The following RANBP10 variants were observed in gnomAD, a reference collection of about 807,000 sequenced individuals.
RANBP10 encodes the protein RAN binding protein 10.
RANBP10 carries 24 observed loss-of-function variants against 72.8 expected under a neutral mutation model. The ratio of observed to expected loss-of-function variants is 0.33; its 90% CI spans 0.24 to 0.46. The LOEUF is 0.46. RANBP10 is among the 20% of genes least tolerant of loss of function. The pLI is 1.00. For missense variants in RANBP10, 679 were observed against 817.5 expected, an observed-to-expected ratio of 0.83 and a Z score of 2.07; for synonymous variants, 310 against 322.3, an observed-to-expected ratio of 0.96 and a Z score of 0.41.
rs1440060446 is a variant in RANBP10 at position 67,724,457 on chromosome 16, A to G, written c.*1971T>C. On this transcript the variant is annotated 3_prime_UTR_variant, in exon 14 of 14. Transcript: ENST00000317506. ...GGTTTTAATCCAATCCTGCTAGGCTATGATCATTTAAACAGCCTGATGTCT... is the reference window on the plus strand; with the variant it reads ...GGTTTTAATCCAATCCTGCTAGGCTGTGATCATTTAAACAGCCTGATGTCT... 1 of 152,234 alleles carries G rather than the reference A, an allele frequency of 6.6e-6. No homozygotes were observed. The highest frequency in any genetic ancestry group is 2.4e-5 in the African/African-American group (1 of 41,452). The allele number at this position is 152,234 out of a possible 1,614,324, so 9.4% of individuals were successfully genotyped here. A position where few individuals can be genotyped will look rare whatever the true frequency, so the allele number is the denominator to read the frequency against.
At chr16:67,764,145 G>C (rs747167340) in intron 3 of RANBP10, among the ~76,000 whole-genome samples, 3 of 152,156 alleles carry the variant, frequency 2.0e-5, no homozygotes, top group Non-Finnish European at 4.4e-5. Flanking sequence ...GGCTCTCTCA[G>C]GCCAGTCTCA....
At chr16:67,743,527 C>T (rs1047295049) in intron 4 of RANBP10, among the ~76,000 whole-genome samples, 1 of 152,176 alleles carries the variant, frequency 6.6e-6, no homozygotes, top group African/African-American at 2.4e-5. Flanking sequence ...TGTACAGGAA[C>T]GCTCCTTCCA....
chr16:67,805,394 G>C, intron 2 of RANBP10, 34 bp downstream of exon 2: 1 of 1,577,314 alleles, frequency 6.3e-7, no homozygotes, highest in Non-Finnish European at 8.7e-7. Context: ...TCAGCTCCAT[G>C]ATCAGGGAAA....
Position 67,772,975 on chromosome 16 carries a change from C to A in RANBP10, c.348-889G>T, listed in dbSNP as rs143349531. Among the ~76,000 whole-genome samples, 11 of 152,276 alleles carry A rather than the reference C, an allele frequency of 7.2e-5. No homozygotes were observed. The East Asian group carries it at 2.1e-3, about 29-fold the overall frequency. On this transcript the variant is annotated intron_variant, in intron 2 of 13. Coordinates refer to ENST00000317506, the MANE Select transcript of RANBP10 (RefSeq NM_020850.3). ...GTTAATGCTGGAATGAGTTAAGACT[C>A]TGGGGGACTAGTGGGAAGGGATGAT...
chr16:67,755,800 G>A (rs1325414055), intron 3 of RANBP10, among the ~76,000 whole-genome samples: 4 of 151,948 alleles, frequency 2.6e-5, no homozygotes, highest in Non-Finnish European at 4.4e-5. Flanking sequence ...CACATGATGG[G>A]GACAACACTC....
intron 3 of RANBP10, among the ~76,000 whole-genome samples, chr16:67,744,943 C>T (rs533570291): frequency 1.3e-5 from 2 of 152,296 alleles, no homozygotes; most frequent in South Asian, 4.1e-4. Context: ...CCTGCCTCAG[C>T]CTCCAGAGTA....
At chr16:67,797,814 A>G (rs1368747617) in intron 2 of RANBP10, among the ~76,000 whole-genome samples, 4 of 151,900 alleles carry the variant, frequency 2.6e-5, no homozygotes, top group Non-Finnish European at 5.9e-5. Flanking sequence ...CTGTCTCAAA[A>G]AATAAATTAA....
At chr16:67,770,066 A>AAAAAC (rs1221214195) in intron 3 of RANBP10, among the ~76,000 whole-genome samples, 1 of 152,184 alleles carries the variant, frequency 6.6e-6, no homozygotes, top group Admixed American at 6.6e-5. Context: ...CCTTGTCTCC[A>AAAAAC]AAAACAAAAC....
chr16:67,761,221 C>T (rs567388696), intron 3 of RANBP10, among the ~76,000 whole-genome samples: 40 of 152,338 alleles, frequency 2.6e-4, no homozygotes, highest in Non-Finnish European at 2.2e-4. Context: ...ACCATGCAAA[C>T]TAAGACATGC....
intron 3 of RANBP10, among the ~76,000 whole-genome samples, chr16:67,749,982 A>G (rs1029056263): frequency 2.0e-5 from 3 of 152,168 alleles, no homozygotes; most frequent in African/African-American, 7.2e-5. Flanking sequence ...CCTGCCCCTC[A>G]TCCCTCAGAT....
intron 2 of RANBP10, among the ~76,000 whole-genome samples, chr16:67,795,157 G>C (rs1485618369): frequency 6.6e-6 from 1 of 151,886 alleles, no homozygotes; most frequent in Non-Finnish European, 1.5e-5. Context: ...GGCTGAGGTG[G>C]GAGAATCTCT....
intron 2 of RANBP10, 55 bp from the exon 3 acceptor site, chr16:67,772,141 C>T (rs1214166614): frequency 1.6e-5 from 25 of 1,544,332 alleles, no homozygotes; most frequent in South Asian, 3.6e-5. Context: ...AATGCTCATG[C>T]GTCTCCCTTC....
intron 11 of RANBP10, 136 bp from the exon 12 acceptor site, chr16:67,728,032 C>T: frequency 1.1e-6 from 1 of 914,786 alleles, no homozygotes; most frequent in Non-Finnish European, 1.7e-6. Context: ...ACAGGTGAGG[C>T]AGCTACAGTC....
Position 67,772,072 on chromosome 16 carries a change from C to A in RANBP10, c.362G>T (p.Gly121Val). ...SKGRDGYMGI[G>V]LSAQGVNMNR... is the part of the protein sequence containing the mutation. ...CATGTTGACGCCTTGAGCCGAGAGT[C>A]CTATTCCCATGTAACTTCAAAAAAA... The change falls in exon 3 of 14, where the codon GGA (glycine) becomes GTA (valine). Residue 121 changes from glycine to valine, a missense_variant. Gly to Val is a moderately radical substitution (Grantham distance 109). Coordinates refer to ENST00000317506, the MANE Select transcript of RANBP10 (RefSeq NM_020850.3). 6.3e-7 allele frequency: 1 copy of A among 1,591,488 alleles called. No individual in the cohort carries two copies. The highest frequency in any genetic ancestry group is 8.5e-7 in the Non-Finnish European group (1 of 1,171,520).
At chr16:67,789,564 G>A (rs2054985978) in intron 2 of RANBP10, among the ~76,000 whole-genome samples, 1 of 151,326 alleles carries the variant, frequency 6.6e-6, no homozygotes. Flanking sequence ...CCACCTCCTG[G>A]ATTCAAGTGA....
intron 2 of RANBP10, 57 bp downstream of exon 2, chr16:67,805,371 C>G: frequency 6.6e-7 from 1 of 1,511,836 alleles, no homozygotes; most frequent in Non-Finnish European, 9.1e-7. Context: ...GACCTGAACT[C>G]TGACCACAGG....
chr16:67,781,022 T>C (rs1382527738), intron 2 of RANBP10, among the ~76,000 whole-genome samples: 1 of 152,256 alleles, frequency 6.6e-6, no homozygotes, highest in African/African-American at 2.4e-5. Context: ...ACATGCCCAC[T>C]GGCATGTCCC....
intron 3 of RANBP10, among the ~76,000 whole-genome samples, chr16:67,765,713 G>A (rs1222733230): frequency 2.0e-5 from 3 of 151,908 alleles, no homozygotes; most frequent in South Asian, 2.1e-4. Flanking sequence ...GTGGGCGCCT[G>A]TAGTCTCAGC....
chr16:67,801,754 A>G (rs1054058190), intron 2 of RANBP10, among the ~76,000 whole-genome samples: 1 of 152,046 alleles, frequency 6.6e-6, no homozygotes, highest in Non-Finnish European at 1.5e-5. Context: ...TAGGAGTTGG[A>G]GACCAGCCTA....
Sources: gnomAD v4.1 joint callset for allele counts (sites outside exome capture counted in the v4.1 genomes callset) on GRCh38, gnomAD v4.1.1 for gene constraint, MANE v1.5 for transcripts, NCBI Gene and HGNC (gene_info 2026-07-23, HGNC 2026-07-21) for gene names.